The following CSMD1 variants were observed in gnomAD, a reference collection of about 807,000 sequenced individuals.
CSMD1 encodes the protein CUB and Sushi multiple domains 1.
Under a neutral mutation model 417.5 loss-of-function variants are expected in CSMD1, and 213 were observed. That is an observed-to-expected ratio of 0.51 (90% CI 0.46 to 0.57). CSMD1 has a LOEUF of 0.57. CSMD1 is among the 20% of genes least tolerant of loss of function. The probability of loss-of-function intolerance (pLI) is 0.00; values close to 1 mark genes in which losing one functional copy is unlikely to be tolerated. For missense variants in CSMD1, 6,923 were observed against 4,529.7 expected (o/e 1.53, Z -15.17); for synonymous variants, 2,862 against 1,736.8 (o/e 1.65, Z -16.11).
At chr8:3,287,420 C>T (rs1396216591) in intron 25 of CSMD1, among the ~76,000 whole-genome samples, 2 of 152,104 alleles carry the variant, frequency 1.3e-5, no homozygotes, top group African/African-American at 4.8e-5. Flanking sequence ...AATATTGATT[C>T]TTCCTACCTA....
chr8:4,253,196 C>A (rs183335617), intron 3 of CSMD1, among the ~76,000 whole-genome samples: 2 of 152,160 alleles, frequency 1.3e-5, no homozygotes, highest in African/African-American at 4.8e-5. Context: ...TCCTCTTCTA[C>A]GATCCCGCCC....
chr8:4,061,757 G>T (rs747966400), intron 3 of CSMD1, among the ~76,000 whole-genome samples: 1 of 152,110 alleles, frequency 6.6e-6, no homozygotes, highest in East Asian at 1.9e-4. Context: ...TCACCTCTCT[G>T]CATGTTCAGT....
intron 2 of CSMD1, among the ~76,000 whole-genome samples, chr8:4,585,365 G>A (rs1389301098): frequency 6.6e-6 from 1 of 152,152 alleles, no homozygotes; most frequent in African/African-American, 2.4e-5. Flanking sequence ...TAGAAAAAAG[G>A]TTAATACACA....
At chr8:3,173,223 AG>A (rs1330566023) in intron 37 of CSMD1, among the ~76,000 whole-genome samples, 2 of 152,206 alleles carry the variant, frequency 1.3e-5, no homozygotes, top group Non-Finnish European at 2.9e-5. Context: ...ATCTGTTATT[AG>A]TTTTTTGTGT....
intron 5 of CSMD1, among the ~76,000 whole-genome samples, chr8:3,803,304 G>A (rs147359840): frequency 1.1e-3 from 173 of 152,278 alleles, no homozygotes; most frequent in African/African-American, 4.0e-3. Flanking sequence ...AGCAGCAGCT[G>A]GGTAGGGAGA....
At chr8:4,151,670 T>C (rs1348812727) in intron 3 of CSMD1, among the ~76,000 whole-genome samples, 2 of 152,208 alleles carry the variant, frequency 1.3e-5, no homozygotes, top group Non-Finnish European at 2.9e-5. Context: ...ATGTCAACAT[T>C]ATAGGTGAAA....
intron 40 of CSMD1, among the ~76,000 whole-genome samples, chr8:3,146,676 C>T (rs950364740): frequency 6.6e-6 from 1 of 152,176 alleles, no homozygotes; most frequent in African/African-American, 2.4e-5. Context: ...GTGTGGGTCA[C>T]TGTCCCGCAG....
intron 5 of CSMD1, among the ~76,000 whole-genome samples, chr8:3,883,469 T>G (rs2627367): frequency 0.25 from 38,658 of 151,998 alleles, 6,098 homozygotes; most frequent in African/African-American, 0.45. Flanking sequence ...TAAGTGTGTA[T>G]ATATGTATAT....
intron 1 of CSMD1, among the ~76,000 whole-genome samples, chr8:4,883,005 A>T (rs938140347): frequency 2.0e-5 from 3 of 152,118 alleles, no homozygotes; most frequent in Admixed American, 2.0e-4. Flanking sequence ...ATTGACAATT[A>T]GCTGAGAGCT....
At chr8:4,966,243 G>A (rs1809850046) in intron 1 of CSMD1, among the ~76,000 whole-genome samples, 1 of 150,150 alleles carries the variant, frequency 6.7e-6, no homozygotes, top group Non-Finnish European at 1.5e-5. Context: ...GCTGGGTATG[G>A]TGGCACATGC....
chr8:3,933,811 T>G (rs557051793), intron 5 of CSMD1, among the ~76,000 whole-genome samples: 38 of 152,334 alleles, frequency 2.5e-4, no homozygotes, highest in Admixed American at 5.9e-4. Context: ...GATCTTGCAC[T>G]TAAAACCAAT....
intron 5 of CSMD1, among the ~76,000 whole-genome samples, chr8:3,814,372 C>CTCTT (rs149528828): frequency 0.019 from 2,914 of 152,262 alleles, 73 homozygotes; most frequent in African/African-American, 0.047. Context: ...ATGGCTTTAC[C>CTCTT]TCTTATACAT....
chr8:3,308,732 G>GTGTTTTTTTTTTTTTTTTT (rs1805090018), intron 23 of CSMD1, among the ~76,000 whole-genome samples: 1 of 108,930 alleles, frequency 9.2e-6, no homozygotes, highest in African/African-American at 3.6e-5. Flanking sequence ...CTACTTACAA[G>GTGTTTTTTTTTTTTTTTTT]TTTTTTTTTT....
intron 5 of CSMD1, among the ~76,000 whole-genome samples, chr8:3,954,821 C>T (rs867131188): frequency 1.3e-5 from 2 of 152,080 alleles, no homozygotes; most frequent in Non-Finnish European, 2.9e-5. Context: ...CGGAAGCGAG[C>T]ATGCGCAGTG....
intron 41 of CSMD1, among the ~76,000 whole-genome samples, chr8:3,142,066 G>C (rs1010118630): frequency 1.3e-5 from 2 of 152,030 alleles, no homozygotes; most frequent in Non-Finnish European, 2.9e-5. Context: ...CAAAGTGCTG[G>C]GATTACAGGC....
chr8:3,289,021 C>A (rs1384579206), intron 25 of CSMD1, among the ~76,000 whole-genome samples: 1 of 109,372 alleles, frequency 9.1e-6, no homozygotes, highest in Non-Finnish European at 1.9e-5. Flanking sequence ...GTTCCCCTTC[C>A]TGTGTCCGTG....
At chr8:4,620,014 T>C (rs1585341737) in intron 2 of CSMD1, among the ~76,000 whole-genome samples, 1 of 152,178 alleles carries the variant, frequency 6.6e-6, no homozygotes, top group African/African-American at 2.4e-5. Flanking sequence ...GCATTGATTT[T>C]ATATATGCAT....
At chr8:4,268,775 G>C (rs565982466) in intron 3 of CSMD1, among the ~76,000 whole-genome samples, 42 of 151,186 alleles carry the variant, frequency 2.8e-4, no homozygotes, top group Admixed American at 2.0e-4. Context: ...ACAAATATCT[G>C]AATAACATCG....
intron 2 of CSMD1, among the ~76,000 whole-genome samples, chr8:4,594,406 G>C (rs143012972): frequency 2.6e-5 from 4 of 151,644 alleles, no homozygotes; most frequent in African/African-American, 9.7e-5. Context: ...CACCATGTTG[G>C]CCAGGCTGGT....
Sources: gnomAD v4.1 joint callset for allele counts (sites outside exome capture counted in the v4.1 genomes callset) on GRCh38, gnomAD v4.1.1 for gene constraint, MANE v1.5 for transcripts, NCBI Gene and HGNC (gene_info 2026-07-23, HGNC 2026-07-21) for gene names.